Variants in RBFOX1 observed in about 807,000 individuals in gnomAD.
RBFOX1 encodes the protein RNA binding protein fox-1 homolog 1.
RBFOX1 carries 8 observed loss-of-function variants against 57.7 expected under a neutral mutation model. The ratio of observed to expected loss-of-function variants is 0.14; its 90% CI spans 0.08 to 0.25. The LOEUF (loss-of-function observed/expected upper bound fraction) is 0.25, where lower values mean the gene tolerates loss of function less well. Ranked by LOEUF, RBFOX1 falls within the 10% of genes least tolerant of loss-of-function variation. The pLI, the probability that RBFOX1 is intolerant of heterozygous loss-of-function variation, is 1.00. For synonymous variants in RBFOX1, 326 were observed against 222.4 expected (o/e 1.47, Z -4.15); for missense variants, 611 against 548.5 (o/e 1.11, Z -1.14).
chr16:5,327,264 G>A (rs1355643536), intron 1 of RBFOX1, among the ~76,000 whole-genome samples: 2 of 152,092 alleles, frequency 1.3e-5, no homozygotes, highest in Non-Finnish European at 2.9e-5. Flanking sequence ...TGCTGAATGG[G>A]ACCCTGCCCC....
chr16:7,040,411 T>C (rs1268694522), intron 3 of RBFOX1, among the ~76,000 whole-genome samples: 2 of 152,232 alleles, frequency 1.3e-5, no homozygotes, highest in Admixed American at 6.5e-5. Flanking sequence ...CATTTAATTA[T>C]TACAATAACC....
intron 4 of RBFOX1, among the ~76,000 whole-genome samples, chr16:7,457,500 CT>C (rs1282979754): frequency 2.0e-5 from 3 of 152,190 alleles, no homozygotes; most frequent in Non-Finnish European, 2.9e-5. Flanking sequence ...CTTCTATCTT[CT>C]TTACTTAAGT....
chr16:6,342,682 C>A (rs1231492142), intron 2 of RBFOX1, among the ~76,000 whole-genome samples: 1 of 152,140 alleles, frequency 6.6e-6, no homozygotes, highest in Non-Finnish European at 1.5e-5. Flanking sequence ...CAAATATAAC[C>A]TTTATTCCTC....
At chr16:6,903,154 A>AG (rs1482202653) in intron 3 of RBFOX1, among the ~76,000 whole-genome samples, 1 of 152,162 alleles carries the variant, frequency 6.6e-6, no homozygotes, top group Non-Finnish European at 1.5e-5. Flanking sequence ...TTGTTGAAGA[A>AG]GGGGAGGAGC....
intron 4 of RBFOX1, among the ~76,000 whole-genome samples, chr16:5,970,724 C>A (rs1463108708): frequency 6.6e-6 from 1 of 152,116 alleles, no homozygotes; most frequent in South Asian, 2.1e-4. Context: ...AGAGAAAGGA[C>A]CCTGCGAAAT....
rs372284626 is a variant in RBFOX1 at position 5,241,388 on chromosome 16, C to T, written c.219+1283C>T. 6.4e-4 allele frequency among the ~76,000 whole-genome samples: 97 copies of T among 151,104 alleles called. No individual in the cohort carries two copies. The South Asian group carries it at 0.019, about 30-fold the overall frequency. On this transcript the variant is annotated intron_variant, in intron 1 of 2. Coordinates refer to the RBFOX1 transcript ENST00000585867. The stretch of plus-strand genomic sequence containing the variant: ...CACAATTACGGTGGCAGTGTAACGC[C>T]AGGAAACTTTATTGCGTGAAGTCCC...
At chr16:7,112,482 C>A (rs941272473) in intron 4 of RBFOX1, among the ~76,000 whole-genome samples, 13 of 151,686 alleles carry the variant, frequency 8.6e-5, no homozygotes, top group Admixed American at 4.6e-4. Context: ...TTTGGGATTA[C>A]AGGCATGAGC....
At chr16:6,094,419 C>T (rs1221269577) in intron 1 of RBFOX1, among the ~76,000 whole-genome samples, 6 of 152,276 alleles carry the variant, frequency 3.9e-5, no homozygotes, top group East Asian at 1.9e-4. Context: ...AAACCTAAAA[C>T]GCTTGGACTC....
intron 1 of RBFOX1, among the ~76,000 whole-genome samples, chr16:6,272,603 A>G (rs2075326772): frequency 6.6e-6 from 1 of 152,220 alleles, no homozygotes; most frequent in African/African-American, 2.4e-5. Flanking sequence ...AATATAAATG[A>G]AAGTGCCATG....
intron 4 of RBFOX1, among the ~76,000 whole-genome samples, chr16:5,957,404 G>C (rs535357711): frequency 1.3e-3 from 196 of 152,088 alleles, no homozygotes; most frequent in African/African-American, 4.7e-3. Context: ...TAGTAGAGAT[G>C]GGGTTTCACC....
intron 2 of RBFOX1, among the ~76,000 whole-genome samples, chr16:6,619,673 T>C (rs2098197657): frequency 6.7e-6 from 1 of 148,352 alleles, no homozygotes; most frequent in Admixed American, 6.8e-5. Flanking sequence ...ACTGCTTTCA[T>C]CTTTGTTGGT....
chr16:6,842,824 C>A (rs1434336430), intron 3 of RBFOX1, among the ~76,000 whole-genome samples: 1 of 151,902 alleles, frequency 6.6e-6, no homozygotes, highest in East Asian at 1.9e-4. Context: ...CTCCATGTTC[C>A]CCCAACCCCC....
In RBFOX1 at chr16:6,918,334, G is replaced by A. The variant is rs139720308; in HGVS notation, c.-15-133723G>A. Among the ~76,000 whole-genome samples the A allele has an allele frequency of 3.6e-3, 547 of 151,074 alleles. 4 individuals are homozygous for A. The highest frequency in any genetic ancestry group is 0.013 in the African/African-American group (523 of 41,130). ...TTGGGGACTCCACCCCAGGCCTACC[G>A]AATCAGACCACTGGGCTTGGTGCCA... On this transcript the variant is annotated intron_variant, in intron 3 of 15. Coordinates refer to ENST00000550418, the MANE Select transcript of RBFOX1 (RefSeq NM_018723.4).
At chr16:5,556,840 C>G (rs1234414180) in intron 2 of RBFOX1, among the ~76,000 whole-genome samples, 1 of 152,220 alleles carries the variant, frequency 6.6e-6, no homozygotes, top group African/African-American at 2.4e-5. Flanking sequence ...ACTGTGTACC[C>G]TATTACTTCC....
chr16:6,420,365 A>G (rs2093739164), intron 2 of RBFOX1, among the ~76,000 whole-genome samples: 1 of 151,778 alleles, frequency 6.6e-6, no homozygotes, highest in Non-Finnish European at 1.5e-5. Flanking sequence ...TACCTCTTTC[A>G]TTTTTTATTT....
At chr16:7,514,590 G>A (rs1488881403) in intron 4 of RBFOX1, among the ~76,000 whole-genome samples, 1 of 152,104 alleles carries the variant, frequency 6.6e-6, no homozygotes, top group Non-Finnish European at 1.5e-5. Context: ...TCAGCATCAA[G>A]GAAAGCCTGC....
chr16:6,508,130 G>A (rs541327918), intron 2 of RBFOX1, among the ~76,000 whole-genome samples: 20 of 152,212 alleles, frequency 1.3e-4, no homozygotes, highest in African/African-American at 4.6e-4. Context: ...ACCAAATACT[G>A]CATGTTCTCA....
At chr16:5,285,571 C>T (rs772217406) in intron 1 of RBFOX1, among the ~76,000 whole-genome samples, 28 of 152,302 alleles carry the variant, frequency 1.8e-4, no homozygotes, top group South Asian at 4.1e-4. Context: ...CTGACATAAC[C>T]GTCACTTCTT....
chr16:5,797,366 C>T (rs1371305716), intron 3 of RBFOX1, among the ~76,000 whole-genome samples: 4 of 152,180 alleles, frequency 2.6e-5, no homozygotes, highest in Admixed American at 6.5e-5. Flanking sequence ...CTTCAAGGAC[C>T]GTCTTGGAAC....
Sources: gnomAD v4.1 joint callset for allele counts (sites outside exome capture counted in the v4.1 genomes callset) on GRCh38, gnomAD v4.1.1 for gene constraint, MANE v1.5 for transcripts, NCBI Gene and HGNC (gene_info 2026-07-23, HGNC 2026-07-21) for gene names.